B4GALNT3: variants seen among roughly 807,000 people sequenced by gnomAD.
The protein encoded by B4GALNT3 is beta-1,4-N-acetyl-galactosaminyltransferase 3.
In B4GALNT3, 86 loss-of-function variants were observed where a neutral mutation model predicts 120.2. The ratio of observed to expected loss-of-function variants is 0.72; its 90% confidence interval spans 0.60 to 0.86. The LOEUF (loss-of-function observed/expected upper bound fraction) is 0.86, where lower values mean the gene tolerates loss of function less well. B4GALNT3 is among the 40% of genes least tolerant of loss of function. The probability of loss-of-function intolerance (pLI) is 0.00; values close to 1 mark genes in which losing one functional copy is unlikely to be tolerated. For missense variants in B4GALNT3, 1,167 were observed against 1,298.9 expected (o/e 0.90, Z 1.56); for synonymous variants, 518 against 510.4 (o/e 1.01, Z -0.20).
chr12:544,311 A>G (rs1182027812), intron 3 of B4GALNT3, 28 bp from the exon 4 acceptor site: 7 of 1,609,374 alleles, frequency 4.3e-6, no homozygotes, highest in Admixed American at 1.7e-5. Context: ...GCTCACGCTC[A>G]CTCACCACTG....
chr12:552,645 C>A, intron 13 of B4GALNT3, 117 bp downstream of exon 13: 3 of 921,360 alleles, frequency 3.3e-6, no homozygotes, highest in South Asian at 3.3e-5. Context: ...ATCCAAATCA[C>A]GTGACCTCTC....
intron 1 of B4GALNT3, among the ~76,000 whole-genome samples, chr12:515,726 A>G (rs1946646701): frequency 6.6e-6 from 1 of 152,164 alleles, no homozygotes; most frequent in African/African-American, 2.4e-5. Context: ...ATTAAGCTAG[A>G]TGTCTTAGCG....
At position 550,486 on chromosome 12, in the gene B4GALNT3, C is replaced by CA. The variant is rs950575807; in HGVS notation, c.998-428dup. On this transcript the variant is annotated intron_variant, in intron 10 of 19. Coordinates refer to ENST00000266383, the MANE Select transcript of B4GALNT3 (RefSeq NM_173593.4). This position sits in a 1 kb window ranked among gnomAD's most constrained non-coding sequence, Gnocchi z 4.1. ...CCTGGGTGACAGAGTGAGATCCTGTCAAAAAAAACAAACAAACAAAAAAAA... is the reference window on the plus strand; with the variant it reads ...CCTGGGTGACAGAGTGAGATCCTGTCAAAAAAAAACAAACAAACAAAAAAAA... Among the ~76,000 whole-genome samples, 14 of 147,478 alleles carry CA rather than the reference C, an allele frequency of 9.5e-5. No individual in the cohort carries two copies. The highest frequency in any genetic ancestry group is 1.2e-4 in the African/African-American group (5 of 40,152).
intron 1 of B4GALNT3, among the ~76,000 whole-genome samples, chr12:527,151 C>A (rs936799930): frequency 7.2e-5 from 11 of 152,136 alleles, no homozygotes; most frequent in African/African-American, 2.7e-4. Flanking sequence ...TGGTCTCGAA[C>A]TCTTGAACTC....
chr12:516,659 C>T (rs922153837), intron 1 of B4GALNT3, among the ~76,000 whole-genome samples: 1 of 152,160 alleles, frequency 6.6e-6, no homozygotes, highest in Non-Finnish European at 1.5e-5. Flanking sequence ...CCCCAATAAA[C>T]GTTACTCATT....
intron 1 of B4GALNT3, among the ~76,000 whole-genome samples, chr12:479,896 C>A (rs369717813): frequency 9.4e-5 from 8 of 85,052 alleles, no homozygotes; most frequent in Admixed American, 1.2e-4. Flanking sequence ...TAAAAAAAAA[C>A]CAACCAGGAT....
rs111717039 is a variant in B4GALNT3, at chr12:561,577, G to A, written c.*126G>A. On this transcript the variant is annotated 3_prime_UTR_variant, in exon 20 of 20. Transcript: ENST00000266383. ...GACCCCAAGAGGCCTCGAAGCTGAC[G>A]GCCCACTCCACCTGGAGCTGTCCCC... The A allele has an allele frequency of 1.2e-3, 888 of 710,666 alleles. 5 individuals carry two copies. Among genetic ancestry groups the A allele is most frequent in the African/African-American group, 0.011 (616 of 56,480 alleles). 44.0% of individuals were successfully genotyped at this position (710,666 alleles called of 1,614,324 possible).
intron 1 of B4GALNT3, among the ~76,000 whole-genome samples, chr12:487,717 A>AAAAAAAAAAAG (rs1555152275): frequency 6.6e-6 from 1 of 151,468 alleles, no homozygotes; most frequent in African/African-American, 2.4e-5. Context: ...TATCTTGAAA[A>AAAAAAAAAAAG]AAAAAAAAAG....
At chr12:507,233 G>C (rs1026359287) in intron 1 of B4GALNT3, among the ~76,000 whole-genome samples, 1 of 152,016 alleles carries the variant, frequency 6.6e-6, no homozygotes, top group Admixed American at 6.5e-5. Flanking sequence ...GCGTTTTTTT[G>C]ATAGTGTCAC....
In B4GALNT3 at chr12:504,429, C is replaced by T. The variant is rs555903258; in HGVS notation, c.170-30737C>T. On this transcript the variant is annotated intron_variant, in intron 1 of 19. Transcript: ENST00000266383. The stretch of plus-strand genomic sequence containing the variant: ...ATGAAACGTGTCTCAAATCCAGCCT[C>T]CTCTCTCCACCCCGCAGCCGCCCCC... Among the ~76,000 whole-genome samples the T allele has an allele frequency of 4.6e-5, 7 of 151,584 alleles. 1 individual carries two copies. The East Asian group carries it at 7.8e-4, about 17-fold the overall frequency.
intron 1 of B4GALNT3, among the ~76,000 whole-genome samples, chr12:466,276 C>T (rs1306408837): frequency 6.6e-6 from 1 of 152,120 alleles, no homozygotes; most frequent in Non-Finnish European, 1.5e-5. Flanking sequence ...TGGGCTTGCC[C>T]TCTAGTGCTG....
chr12:516,767 A>C (rs2120607618), intron 1 of B4GALNT3, among the ~76,000 whole-genome samples: 1 of 152,278 alleles, frequency 6.6e-6, no homozygotes, highest in African/African-American at 2.4e-5. Context: ...ATTTTGGTGG[A>C]GTTCCTCTGG....
At position 556,566 on chromosome 12, in the gene B4GALNT3, A is replaced by G. The variant is rs779711308; in HGVS notation, c.2080A>G (p.Ile694Val). ...CCATAGGAGGTACCAGCTACAGCGC[A>G]TTGTGAACGTGGAAAAGCGTCAGGA... is the stretch of plus-strand genomic sequence containing the variant. ...RSRGRYQLQR[I>V]VNVEKRQDQL... is the part of the protein sequence containing the mutation. The change falls in exon 15 of 20, where the codon ATT becomes GTT. Residue 694 changes from isoleucine (I) to valine (V), a missense_variant. Physicochemically the swap from Ile to Val is conservative, Grantham distance 29. Transcript: ENST00000266383. The G allele has an allele frequency of 3.1e-6, 5 of 1,613,480 alleles. No individual in the cohort carries two copies. The highest frequency in any genetic ancestry group is 3.4e-6 in the Non-Finnish European group (4 of 1,179,592).
chr12:464,677 G>A (rs184097581), intron 1 of B4GALNT3, among the ~76,000 whole-genome samples: 17 of 152,244 alleles, frequency 1.1e-4, no homozygotes, highest in African/African-American at 3.9e-4. Context: ...AGAGCCAAGG[G>A]ATGACATTTG....
chr12:509,775 C>T (rs1314663201), intron 1 of B4GALNT3, among the ~76,000 whole-genome samples: 2 of 152,116 alleles, frequency 1.3e-5, no homozygotes, highest in African/African-American at 4.8e-5. Context: ...AAGCGTGGCC[C>T]AGGGAAGATC....
chr12:552,659 T>C (rs1947098991), intron 13 of B4GALNT3, 131 bp downstream of exon 13: 16 of 799,242 alleles, frequency 2.0e-5, no homozygotes, highest in Non-Finnish European at 3.2e-5. Context: ...ACCTCTCCCT[T>C]CACACCCAAG....
intron 1 of B4GALNT3, among the ~76,000 whole-genome samples, chr12:511,502 A>G (rs1333228363): frequency 9.2e-5 from 5 of 54,640 alleles, no homozygotes; most frequent in African/African-American, 2.6e-4. Flanking sequence ...TCCACCTTCC[A>G]CCTTCCACCT....
rs1038649309 is a variant in B4GALNT3, at chr12:512,641, A to G, written c.170-22525A>G. Among the ~76,000 whole-genome samples, 46 of 68,950 alleles carry G rather than the reference A, an allele frequency of 6.7e-4. No homozygotes were observed. The East Asian group carries it at 7.5e-3, about 11-fold the overall frequency. 45.2% of individuals were successfully genotyped at this position (68,950 alleles called of 152,430 possible). A position where few individuals can be genotyped will look rare whatever the true frequency, so the allele number is the denominator to read the frequency against. On this transcript the variant is annotated intron_variant, in intron 1 of 19. Coordinates refer to ENST00000266383, the MANE Select transcript of B4GALNT3 (RefSeq NM_173593.4). ...TTCCGCCTTCCACCTTCCGCCTTCC[A>G]CCTTCCACCTTCCACCTTCTTCCAC...
At chr12:557,918 C>A in intron 16 of B4GALNT3, 98 bp from the exon 17 acceptor site, 1 of 1,489,160 alleles carries the variant, frequency 6.7e-7, no homozygotes, top group Non-Finnish European at 9.3e-7. Flanking sequence ...AATCCCATCC[C>A]AGGAGCACAC....
Sources: gnomAD v4.1 joint callset for allele counts (sites outside exome capture counted in the v4.1 genomes callset) on GRCh38, gnomAD v4.1.1 for gene constraint, Gnocchi (gnomAD v3.1) non-coding constraint, MANE v1.5 for transcripts, NCBI Gene and HGNC (gene_info 2026-07-23, HGNC 2026-07-21) for gene names.